The following RGS3 variants were observed in gnomAD, a reference collection of about 807,000 sequenced individuals.
RGS3 encodes the protein regulator of G-protein signalling 3.
In RGS3, 80 loss-of-function variants were observed where a neutral mutation model predicts 132.6. That is an observed-to-expected ratio of 0.60 (90% CI 0.50 to 0.73). The LOEUF (loss-of-function observed/expected upper bound fraction) is 0.73. Among genes scored for constraint, RGS3 ranks in the 30% least tolerant of loss-of-function variants. RGS3 has a pLI of 0.00. For synonymous variants in RGS3, 598 were observed against 620.6 expected (o/e 0.96, Z 0.54); for missense variants, 1,382 against 1,530.8 (o/e 0.90, Z 1.62).
chr9:113,482,893 T>C, intron 4 of RGS3, 166 bp from the exon 3 acceptor site: 2 of 1,473,574 alleles, frequency 1.4e-6, no homozygotes, highest in South Asian at 1.4e-5. Flanking sequence ...GTTATGCAGA[T>C]TAAGGGCCTA....
chr9:113,487,407 G>C (rs959477857), intron 7 of RGS3, among the ~76,000 whole-genome samples: 1 of 152,148 alleles, frequency 6.6e-6, no homozygotes, highest in Non-Finnish European at 1.5e-5. Context: ...CACCGCGCCC[G>C]GCCTGTCTCA....
chr9:113,579,499 G>A lies in RGS3; in HGVS notation c.2038-3951G>A, dbSNP rs780204344. 6.6e-6 allele frequency among the ~76,000 whole-genome samples: 1 copy of A among 152,216 alleles called. No homozygotes were observed. The highest frequency in any genetic ancestry group is 1.5e-5 in the Non-Finnish European group (1 of 68,030). On this transcript the variant is annotated intron_variant, in intron 19 of 24. Transcript: ENST00000350696. The surrounding 1 kb of genome is among the most constrained non-coding windows in gnomAD (Gnocchi z 4.3). ...CAGCCAAGCCAAAGAAGTGATGGATGGGAAAGACACAGACCCCCACCTTGG... is the reference window on the plus strand; with the variant it reads ...CAGCCAAGCCAAAGAAGTGATGGATAGGAAAGACACAGACCCCCACCTTGG...
rs952586983 is a variant in RGS3 at position 113,565,502 on chromosome 9, C to A, written c.2038-17948C>A. Reference sequence around the variant, plus strand: ...GGAGGTGGAACCTGGTCATTTGGTTCTGCTTTTCCTAGCAGGTATCGCTCC... The same window carrying A: ...GGAGGTGGAACCTGGTCATTTGGTTATGCTTTTCCTAGCAGGTATCGCTCC... On this transcript the variant is annotated intron_variant, in intron 19 of 24. Coordinates refer to ENST00000350696, the Ensembl canonical transcript of RGS3. This position sits in a 1 kb window ranked among gnomAD's most constrained non-coding sequence, Gnocchi z 5.7. 4.2e-5 allele frequency: 28 copies of A among 671,352 alleles called. 1 individual carries two copies. The highest frequency in any genetic ancestry group is 2.3e-4 in the Admixed American group (8 of 34,682). 41.6% of individuals were successfully genotyped at this position (671,352 alleles called of 1,614,324 possible).
In RGS3 at chr9:113,565,913, GTGTC is replaced by G. The variant is rs1316670174; in HGVS notation, c.2038-17519_2038-17516del. Reference sequence around the variant, plus strand: ...TGTGTGTGTGTGTGTGTGTGTGTGTGTGTCTGTCTGTCTGTCTGTCTCAGGGGCT... The same window carrying G: ...TGTGTGTGTGTGTGTGTGTGTGTGTGTGTCTGTCTGTCTGTCTCAGGGGCT... On this transcript the variant is annotated intron_variant, in intron 19 of 24. Coordinates refer to ENST00000350696, the Ensembl canonical transcript of RGS3. This position sits in a 1 kb window ranked among gnomAD's most constrained non-coding sequence, Gnocchi z 5.7. 0.029 allele frequency among the ~76,000 whole-genome samples: 4,171 copies of G among 144,276 alleles called. 81 individuals carry two copies. Among genetic ancestry groups the G allele is most frequent in the Admixed American group, 0.036 (537 of 14,826 alleles). 94.7% of individuals were successfully genotyped at this position (144,276 alleles called of 152,430 possible). A position where few individuals can be genotyped will look rare whatever the true frequency, so the allele number is the denominator to read the frequency against.
At position 113,514,691 on chromosome 9, in the gene RGS3, G is replaced by A. The variant is rs201582578; in HGVS notation, c.1674+37G>A. 8.1e-6 allele frequency: 13 copies of A among 1,601,300 alleles called. No homozygotes were observed. The East Asian group carries it at 2.7e-4, about 33-fold the overall frequency. ...GCTGGTCTTAAAGGTTCCCTCAGGA[G>A]GAACGGAGAAAGAGGAGGGCCCTTG... On this transcript the variant is annotated intron_variant, in intron 15 of 24. Coordinates refer to ENST00000350696, the Ensembl canonical transcript of RGS3.
intron 19 of RGS3, chr9:113,580,923 G>A (rs1354874820): frequency 3.0e-6 from 3 of 985,480 alleles, no homozygotes; most frequent in East Asian, 1.1e-4. Context: ...TCCCCACTCA[G>A]TGCCACTCTG....
chr9:113,582,325 G>A, intron 19 of RGS3: 1 of 575,986 alleles, frequency 1.7e-6, no homozygotes, highest in Non-Finnish European at 2.2e-6. Context: ...CTTAACCCAT[G>A]TTCTGGGGGT....
intron 18 of RGS3, among the ~76,000 whole-genome samples, chr9:113,532,468 G>A (rs1832511399): frequency 6.6e-6 from 1 of 152,042 alleles, no homozygotes; most frequent in Admixed American, 6.6e-5. Context: ...AGCCTTCTGG[G>A]TCCTCTAGTA....
At chr9:113,447,983 G>A (rs1388512484) in intron 1 of RGS3, among the ~76,000 whole-genome samples, 1 of 151,568 alleles carries the variant, frequency 6.6e-6, no homozygotes, top group Non-Finnish European at 1.5e-5. Context: ...TCAGCCTCAT[G>A]AGTAGCTGGG....
At position 113,507,258 on chromosome 9, in the gene RGS3, A is replaced by T. The variant is rs745500733; in HGVS notation, c.1086-29A>T. 1.3e-6 allele frequency: 2 copies of T among 1,566,520 alleles called. No individual in the cohort carries two copies. Among genetic ancestry groups the T allele is most frequent in the Admixed American group, 1.8e-5 (1 of 57,030 alleles). On this transcript the variant is annotated intron_variant, in intron 12 of 24. Transcript: ENST00000350696. The surrounding 1 kb of genome is among the most constrained non-coding windows in gnomAD (Gnocchi z 5.0). Reference sequence around the variant, plus strand: ...CTGATACTGGCTTTCCCCAGGCTCAACCTGTCTGTGTGATCCCCCACCTTC... The same window carrying T: ...CTGATACTGGCTTTCCCCAGGCTCATCCTGTCTGTGTGATCCCCCACCTTC...
exon 22 of RGS3, chr9:113,594,440 A>G (rs1405633317): frequency 6.2e-7 from 1 of 1,613,772 alleles, no homozygotes; most frequent in South Asian, 1.1e-5. Context: ...AGCCAAGGAC[A>G]TGAAGAACAA....
chr9:113,522,069 C>G (rs1007876717), intron 16 of RGS3, among the ~76,000 whole-genome samples: 2 of 152,166 alleles, frequency 1.3e-5, no homozygotes. Flanking sequence ...ATTAAAGGAT[C>G]AAGTGGATTT....
chr9:113,500,720 C>A (rs1300768879), intron 10 of RGS3, among the ~76,000 whole-genome samples: 2 of 141,084 alleles, frequency 1.4e-5, no homozygotes, highest in Non-Finnish European at 3.0e-5. Context: ...CAGACTCTTT[C>A]TCTGTCACCC....
At chr9:113,582,179 G>A (rs1175410675) in intron 19 of RGS3, 1 of 985,256 alleles carries the variant, frequency 1.0e-6, no homozygotes, top group African/African-American at 1.7e-5. Flanking sequence ...GACTCCCCAG[G>A]GCTTCAAAGA....
At chr9:113,573,055 G>A (rs1047195704) in intron 19 of RGS3, among the ~76,000 whole-genome samples, 3 of 152,214 alleles carry the variant, frequency 2.0e-5, no homozygotes, top group Non-Finnish European at 2.9e-5. Flanking sequence ...TAGGTGCCAG[G>A]CCCTATGCTA....
exon 15 of RGS3, chr9:113,514,574 A>T (rs560718707): frequency 6.2e-7 from 1 of 1,614,154 alleles, no homozygotes; most frequent in East Asian, 2.2e-5. Flanking sequence ...CCCGGTTGTG[A>T]GGCCGCATGC....
chr9:113,465,480 T>C (rs190564808), intron 3 of RGS3, among the ~76,000 whole-genome samples: 52 of 151,006 alleles, frequency 3.4e-4, no homozygotes, highest in African/African-American at 1.0e-3. Flanking sequence ...TGTGTGTGTG[T>C]GCCTGTGTGT....
At chr9:113,508,015 C>T (rs1340360650) in intron 13 of RGS3, among the ~76,000 whole-genome samples, 19 of 152,114 alleles carry the variant, frequency 1.2e-4, no homozygotes, top group Admixed American at 1.1e-3. Context: ...TGATGGAGTG[C>T]GCTCCCCAAA....
rs545476564 is a variant in RGS3, at chr9:113,542,617, G to C, written c.2037+5699G>C. On this transcript the variant is annotated intron_variant, in intron 19 of 24. Coordinates refer to ENST00000350696, the Ensembl canonical transcript of RGS3. ...CCTCCTCAATGGCCCCTCTCTCAGTGGATGTGAGTGAGGATTAGGACCTTC... is the reference window on the plus strand; with the variant it reads ...CCTCCTCAATGGCCCCTCTCTCAGTCGATGTGAGTGAGGATTAGGACCTTC... 2.0e-5 allele frequency among the ~76,000 whole-genome samples: 3 copies of C among 152,294 alleles called. 1 individual carries two copies. Among genetic ancestry groups the C allele is most frequent in the African/African-American group, 7.2e-5 (3 of 41,566 alleles).
Sources: allele counts gnomAD v4.1 joint callset (sites outside exome capture counted in the v4.1 genomes callset), GRCh38; gene constraint gnomAD v4.1.1; non-coding constraint Gnocchi (gnomAD v3.1); transcripts MANE v1.5; gene names NCBI Gene and HGNC (gene_info 2026-07-23, HGNC 2026-07-21).